The following PDZRN3 variants were observed in gnomAD, a reference collection of about 807,000 sequenced individuals.
The protein encoded by PDZRN3 is E3 ubiquitin-protein ligase PDZRN3.
Under a neutral mutation model 85.7 loss-of-function variants are expected in PDZRN3, and 38 were observed. The ratio of observed to expected loss-of-function variants is 0.44; its 90% CI spans 0.34 to 0.58. The LOEUF is 0.58. Among genes scored for constraint, PDZRN3 ranks in the 20% least tolerant of loss-of-function variants. The pLI, the probability that PDZRN3 is intolerant of heterozygous loss-of-function variation, is 0.01. For synonymous variants in PDZRN3, 759 were observed against 638.0 expected (o/e 1.19, Z -2.86); for missense variants, 1,629 against 1,506.4 (o/e 1.08, Z -1.35).
rs752606837 is a variant in PDZRN3, at chr3:73,384,377, T to G, written c.2189A>C (p.Asn730Thr). 7.5e-6 allele frequency: 12 copies of G among 1,609,298 alleles called. No individual in the cohort carries two copies. The highest frequency in any genetic ancestry group is 4.5e-5 in the East Asian group (2 of 44,860). Residue 730 changes from asparagine to threonine, a missense_variant, in exon 10 of 10, where the codon AAC becomes ACC. By Grantham distance (65) the Asn-to-Thr change is moderately conservative. Coordinates refer to ENST00000263666, the MANE Select transcript of PDZRN3 (RefSeq NM_015009.3). Reference sequence around the variant, plus strand: ...GTGTCTGCGCACGTCGATGCTGGTGTTGTAGTTGCGGAAGCCGCTGTTGTG... The same window carrying G: ...GTGTCTGCGCACGTCGATGCTGGTGGTGTAGTTGCGGAAGCCGCTGTTGTG... ...MLHNSGFRNY[N>T]TSIDVRRHEL...
intron 3 of PDZRN3, among the ~76,000 whole-genome samples, chr3:73,563,013 ATTTTT>A (rs879510100): frequency 1.6e-3 from 69 of 43,732 alleles, no homozygotes; most frequent in Non-Finnish European, 2.3e-3. Flanking sequence ...ATATATATAT[ATTTTT>A]TTTTTTTTTT....
rs13324737 is a variant in PDZRN3, at chr3:73,555,852, T to C, written c.918+46502A>G. On this transcript the variant is annotated intron_variant, in intron 3 of 9. Coordinates refer to ENST00000263666, the MANE Select transcript of PDZRN3 (RefSeq NM_015009.3). ...ATAGGCTTAAACACAAGATTATCTA[T>C]AGCTGGAAATACCTCTTCCTTCCAC... Among the ~76,000 whole-genome samples the C allele has an allele frequency of 4.0e-3, 610 of 152,308 alleles. 7 individuals are homozygous for C. Among genetic ancestry groups the C allele is most frequent in the African/African-American group, 0.014 (583 of 41,562 alleles).
chr3:73,486,527 T>C (rs988245100), intron 3 of PDZRN3, among the ~76,000 whole-genome samples: 3 of 152,170 alleles, frequency 2.0e-5, no homozygotes, highest in Admixed American at 1.3e-4. Flanking sequence ...TGTAGGGTAA[T>C]GAAAAGGTTA....
chr3:73,421,894 G>A (rs938263905), intron 3 of PDZRN3, among the ~76,000 whole-genome samples: 15 of 152,064 alleles, frequency 9.9e-5, no homozygotes, highest in African/African-American at 1.9e-4. Flanking sequence ...TGATCTCCCC[G>A]CCTCAGCCTC....
chr3:73,383,383 T>C lies in PDZRN3; in HGVS notation c.3183A>G (p.Leu1061=), dbSNP rs773403054. 1.9e-6 allele frequency: 3 copies of C among 1,610,762 alleles called. No homozygotes were observed. The South Asian group carries it at 3.3e-5, about 18-fold the overall frequency. The change falls in exon 10 of 10, where the codon CTA becomes CTG. Residue 1061 remains leucine (L), a synonymous_variant. Coordinates refer to ENST00000263666, the MANE Select transcript of PDZRN3 (RefSeq NM_015009.3). ...PDGTRVYNSF[L]SVTTV ...GTGAAAATTATACAGTAGTCACCGA[T>C]AGGAAGGAATTGTATACTCTAGTGC... is the stretch of plus-strand genomic sequence containing the variant.
intron 3 of PDZRN3, among the ~76,000 whole-genome samples, chr3:73,571,081 G>A (rs1392659234): frequency 2.0e-5 from 3 of 152,112 alleles, no homozygotes; most frequent in East Asian, 3.9e-4. Context: ...AGTTTTTGAC[G>A]ATTCAGTTTT....
intron 3 of PDZRN3, among the ~76,000 whole-genome samples, chr3:73,496,556 TAAGTAAAGAG>T (rs1703870424): frequency 9.6e-6 from 1 of 103,832 alleles, no homozygotes; most frequent in African/African-American, 3.6e-5. Context: ...AACGTATTTC[TAAGTAAAGAG>T]GACTTAAAAA....
At chr3:73,611,809 T>C (rs568868784) in intron 1 of PDZRN3, among the ~76,000 whole-genome samples, 6 of 152,336 alleles carry the variant, frequency 3.9e-5, no homozygotes, top group Admixed American at 3.3e-4. Flanking sequence ...TGTAAACAGA[T>C]AGTCTTCATA....
At chr3:73,610,406 T>C (rs1702665149) in intron 1 of PDZRN3, among the ~76,000 whole-genome samples, 1 of 152,224 alleles carries the variant, frequency 6.6e-6, no homozygotes, top group South Asian at 2.1e-4. Flanking sequence ...ACACTATCCC[T>C]CTTTATAACC....
chr3:73,465,355 C>G (rs1703192262), intron 3 of PDZRN3, among the ~76,000 whole-genome samples: 1 of 152,176 alleles, frequency 6.6e-6, no homozygotes, highest in South Asian at 2.1e-4. Context: ...AATCAATTAA[C>G]TTCTTTCTAT....
intron 3 of PDZRN3, among the ~76,000 whole-genome samples, chr3:73,510,390 A>G (rs111299397): frequency 1.3e-5 from 2 of 152,350 alleles, no homozygotes; most frequent in African/African-American, 4.8e-5. Context: ...TACACGCACA[A>G]GGAAAAAGGT....
chr3:73,592,965 G>A (rs1450501941), intron 3 of PDZRN3, among the ~76,000 whole-genome samples: 3 of 152,002 alleles, frequency 2.0e-5, no homozygotes, highest in Admixed American at 2.0e-4. Context: ...CCTAGCGCTC[G>A]CTCATGTTAC....
At chr3:73,413,058 T>C (rs938626338) in intron 3 of PDZRN3, among the ~76,000 whole-genome samples, 1 of 152,230 alleles carries the variant, frequency 6.6e-6, no homozygotes, top group Admixed American at 6.5e-5. Flanking sequence ...AGGTGATACC[T>C]GAATGATGTA....
intron 3 of PDZRN3, among the ~76,000 whole-genome samples, chr3:73,585,060 T>C (rs992069263): frequency 1.3e-5 from 2 of 152,216 alleles, no homozygotes; most frequent in Admixed American, 6.5e-5. Context: ...CAGCTTTAAA[T>C]TGGCTGGCAT....
chr3:73,404,761 T>C (rs987480382), intron 3 of PDZRN3, among the ~76,000 whole-genome samples: 1 of 152,272 alleles, frequency 6.6e-6, no homozygotes, highest in African/African-American at 2.4e-5. Flanking sequence ...TACATTGTTA[T>C]GTTTTAATAG....
intron 3 of PDZRN3, among the ~76,000 whole-genome samples, chr3:73,589,744 C>G (rs1702326944): frequency 6.6e-6 from 1 of 152,172 alleles, no homozygotes; most frequent in Admixed American, 6.5e-5. Context: ...GATTATTAAA[C>G]ACAGACTATA....
rs1367932221 is a variant in PDZRN3, at chr3:73,553,745, A to G, written c.918+48609T>C. Among the ~76,000 whole-genome samples, 4 of 152,190 alleles carry G rather than the reference A, an allele frequency of 2.6e-5. No individual in the cohort carries two copies. In the East Asian group the frequency reaches 7.7e-4, roughly 29 times the overall value. ...TCAGAACACGCAGGAAGAAATGTCAATACAGGCTGGAGGAGTAGGCCAAGG... is the reference window on the plus strand; with the variant it reads ...TCAGAACACGCAGGAAGAAATGTCAGTACAGGCTGGAGGAGTAGGCCAAGG... On this transcript the variant is annotated intron_variant, in intron 3 of 9. Transcript: ENST00000263666.
rs375101448 is a variant in PDZRN3, at chr3:73,589,979, C to T, written c.918+12375G>A. On this transcript the variant is annotated intron_variant, in intron 3 of 9. Transcript: ENST00000263666. The stretch of plus-strand genomic sequence containing the variant: ...ATCTGAAAAATATTATTTGTCAAAA[C>T]GCAGATTAGCTGGGCTCAGCGGCTC... 9.2e-5 allele frequency among the ~76,000 whole-genome samples: 14 copies of T among 152,036 alleles called. No individual in the cohort carries two copies. The East Asian group carries it at 1.4e-3, about 15-fold the overall frequency.
At chr3:73,574,730 A>G (rs755261978) in intron 3 of PDZRN3, among the ~76,000 whole-genome samples, 2 of 152,224 alleles carry the variant, frequency 1.3e-5, no homozygotes. Context: ...AAGGGGGAAC[A>G]AGCACTTTTA....
Sources: gnomAD v4.1 joint callset for allele counts (sites outside exome capture counted in the v4.1 genomes callset) on GRCh38, gnomAD v4.1.1 for gene constraint, MANE v1.5 for transcripts, NCBI Gene and HGNC (gene_info 2026-07-23, HGNC 2026-07-21) for gene names.